The following GFOD1 variants were observed in gnomAD, a reference collection of about 807,000 sequenced individuals.
The protein encoded by GFOD1 is Gfo/Idh/MocA-like oxidoreductase domain containing 1.
Under a neutral mutation model 25.4 loss-of-function variants are expected in GFOD1, and 9 were observed. The observed-to-expected ratio is 0.35, with a 90% CI of 0.21 to 0.62. GFOD1 has a LOEUF of 0.62. Among genes scored for constraint, GFOD1 ranks in the 20% least tolerant of loss-of-function variants. The probability of loss-of-function intolerance (pLI) is 0.72; values close to 1 mark genes in which losing one functional copy is unlikely to be tolerated. For synonymous variants in GFOD1, 253 were observed against 245.6 expected, an observed-to-expected ratio of 1.03 and a Z score of -0.28; for missense variants, 403 against 556.9, an observed-to-expected ratio of 0.72 and a Z score of 2.78.
At chr6:13,399,015 G>T (rs147143297) in intron 1 of GFOD1, among the ~76,000 whole-genome samples, 1 of 152,192 alleles carries the variant, frequency 6.6e-6, no homozygotes, top group Non-Finnish European at 1.5e-5. Context: ...AACAGATTTT[G>T]TTGTTTTGTT....
chr6:13,479,602 C>T (rs1490572971), intron 1 of GFOD1, among the ~76,000 whole-genome samples: 3 of 152,176 alleles, frequency 2.0e-5, no homozygotes, highest in African/African-American at 7.2e-5. Flanking sequence ...TGCTCTTCTT[C>T]CCCAGTTTAA....
At chr6:13,469,360 C>G in intron 1 of GFOD1, 1 of 985,522 alleles carries the variant, frequency 1.0e-6, no homozygotes, top group Non-Finnish European at 1.2e-6. Context: ...CATGAAATAA[C>G]ATTTTCTCAA....
At chr6:13,386,501 A>G (rs1785479621) in intron 1 of GFOD1, among the ~76,000 whole-genome samples, 2 of 152,196 alleles carry the variant, frequency 1.3e-5, no homozygotes, top group Admixed American at 1.3e-4. Flanking sequence ...TTGCCTGGGC[A>G]GACAGGTGGG....
rs1327975668 is a variant in GFOD1 at position 13,487,293 on chromosome 6, C to G, written c.-403G>C. 9.6e-5 allele frequency: 18 copies of G among 188,388 alleles called. No homozygotes were observed. The highest frequency in any genetic ancestry group is 1.7e-4 in the Non-Finnish European group (16 of 93,034). 11.7% of individuals were successfully genotyped at this position (188,388 alleles called of 1,614,324 possible). On this transcript the variant is annotated 5_prime_UTR_variant, in exon 1 of 2. Transcript: ENST00000379287. This position sits in a 1 kb window ranked among gnomAD's most constrained non-coding sequence, Gnocchi z 4.9. ...TCCCCGCGGCCGCGCCGCCGCAGCCCGGGACCGGCTCTCTCCCGCGTCGTT... is the reference window on the plus strand; with the variant it reads ...TCCCCGCGGCCGCGCCGCCGCAGCCGGGGACCGGCTCTCTCCCGCGTCGTT...
intron 1 of GFOD1, among the ~76,000 whole-genome samples, chr6:13,446,307 C>T (rs1306539119): frequency 6.6e-6 from 1 of 152,120 alleles, no homozygotes; most frequent in East Asian, 1.9e-4. Context: ...AAACTGAATC[C>T]TAAGAACCAG....
chr6:13,394,622 A>G (rs1302665657), intron 1 of GFOD1, among the ~76,000 whole-genome samples: 1 of 145,816 alleles, frequency 6.9e-6, no homozygotes, highest in Non-Finnish European at 1.5e-5. Context: ...CTACAGGTGC[A>G]TGCTACCATA....
At chr6:13,421,704 T>C (rs1786260135) in intron 1 of GFOD1, among the ~76,000 whole-genome samples, 1 of 152,012 alleles carries the variant, frequency 6.6e-6, no homozygotes, top group Non-Finnish European at 1.5e-5. Flanking sequence ...AAAAAAAACC[T>C]TCTGTAATTC....
chr6:13,425,466 G>A (rs1441647367), intron 1 of GFOD1, among the ~76,000 whole-genome samples: 1 of 152,116 alleles, frequency 6.6e-6, no homozygotes, highest in Non-Finnish European at 1.5e-5. Flanking sequence ...ATGTTCCCCA[G>A]GCCAGAGCTA....
At chr6:13,373,741 AACACACACACACAC>A (rs10530031) in intron 1 of GFOD1, among the ~76,000 whole-genome samples, 1 of 129,596 alleles carries the variant, frequency 7.7e-6, no homozygotes, top group Non-Finnish European at 1.6e-5. Context: ...CTGCTCCCCC[AACACACACACACAC>A]ACACACACAC....
chr6:13,366,345 CT>C (rs531502927), intron 1 of GFOD1, among the ~76,000 whole-genome samples: 4 of 151,684 alleles, frequency 2.6e-5, no homozygotes, highest in East Asian at 2.0e-4. Flanking sequence ...CCTAGCTAAA[CT>C]TTTTTTTGAG....
intron 1 of GFOD1, among the ~76,000 whole-genome samples, chr6:13,483,218 G>T (rs1039477870): frequency 2.0e-5 from 3 of 152,232 alleles, no homozygotes; most frequent in Middle Eastern, 3.4e-3. Context: ...TATGTAGGGT[G>T]GGGGGTTTGA....
At chr6:13,447,841 T>C (rs968042963) in intron 1 of GFOD1, among the ~76,000 whole-genome samples, 1 of 142,478 alleles carries the variant, frequency 7.0e-6, no homozygotes, top group South Asian at 2.3e-4. Flanking sequence ...AACAGAGTTA[T>C]AAAGCCTCAA....
chr6:13,361,631 T>C lies in GFOD1; in HGVS notation c.*3112A>G, dbSNP rs972484360. 6.6e-6 allele frequency: 1 copy of C among 152,220 alleles called. No homozygotes were observed. The highest frequency in any genetic ancestry group is 1.5e-5 in the Non-Finnish European group (1 of 68,052). 9.4% of individuals were successfully genotyped at this position (152,220 alleles called of 1,614,324 possible). On this transcript the variant is annotated 3_prime_UTR_variant, in exon 2 of 2. Coordinates refer to ENST00000379287, the MANE Select transcript of GFOD1 (RefSeq NM_018988.4). Reference sequence around the variant, plus strand: ...TCATATAGCTACCCCAAATCAAGTCTTTGCATGTGGTGGGATAAGGGCAAA... The same window carrying C: ...TCATATAGCTACCCCAAATCAAGTCCTTGCATGTGGTGGGATAAGGGCAAA...
chr6:13,378,344 C>T (rs1048684162), intron 1 of GFOD1, among the ~76,000 whole-genome samples: 4 of 152,178 alleles, frequency 2.6e-5, no homozygotes, highest in South Asian at 2.1e-4. Flanking sequence ...CCTCAGGCTC[C>T]GCCCCCAGCA....
intron 1 of GFOD1, among the ~76,000 whole-genome samples, chr6:13,451,658 A>G (rs1758101433): frequency 6.6e-6 from 1 of 152,228 alleles, no homozygotes; most frequent in African/African-American, 2.4e-5. Flanking sequence ...CCAGGCAAAC[A>G]GGATGCACCA....
chr6:13,377,639 A>G (rs1785280401), intron 1 of GFOD1, among the ~76,000 whole-genome samples: 1 of 152,124 alleles, frequency 6.6e-6, no homozygotes, highest in Non-Finnish European at 1.5e-5. Context: ...GATTAGGCCC[A>G]CCCAGATGAT....
chr6:13,401,059 A>C (rs554023664), intron 1 of GFOD1, among the ~76,000 whole-genome samples: 3 of 152,366 alleles, frequency 2.0e-5, no homozygotes, highest in South Asian at 4.1e-4. Flanking sequence ...TCTATGTTTC[A>C]AATTCCTTTC....
At chr6:13,424,227 G>C (rs1418525454) in intron 1 of GFOD1, among the ~76,000 whole-genome samples, 1 of 152,120 alleles carries the variant, frequency 6.6e-6, no homozygotes, top group East Asian at 1.9e-4. Context: ...GCTGAGCTCA[G>C]GTCTAGTGGC....
At chr6:13,426,819 C>T (rs1786361051) in intron 1 of GFOD1, among the ~76,000 whole-genome samples, 1 of 152,174 alleles carries the variant, frequency 6.6e-6, no homozygotes, top group African/African-American at 2.4e-5. Flanking sequence ...GACTTCTGCC[C>T]AGCTTTCTCT....
Sources: allele counts gnomAD v4.1 joint callset (sites outside exome capture counted in the v4.1 genomes callset), GRCh38; gene constraint gnomAD v4.1.1; non-coding constraint Gnocchi (gnomAD v3.1); transcripts MANE v1.5; gene names NCBI Gene and HGNC (gene_info 2026-07-23, HGNC 2026-07-21).